DAB1: variants seen among roughly 807,000 people sequenced by gnomAD.
The protein encoded by DAB1 is disabled homolog 1.
In DAB1, 15 loss-of-function variants were observed where a neutral mutation model predicts 64.6. That is an observed-to-expected ratio of 0.23 (90% CI 0.16 to 0.36). The LOEUF (loss-of-function observed/expected upper bound fraction) is 0.36, where lower values mean the gene tolerates loss of function less well. Among genes scored for constraint, DAB1 ranks in the 10% least tolerant of loss-of-function variants. The pLI, the probability that DAB1 is intolerant of heterozygous loss-of-function variation, is 1.00. For missense variants in DAB1, 596 were observed against 706.7 expected, an observed-to-expected ratio of 0.84 and a Z score of 1.78; for synonymous variants, 235 against 251.9, an observed-to-expected ratio of 0.93 and a Z score of 0.64.
At chr1:57,450,564 T>C (rs1686313001) in intron 7 of DAB1, among the ~76,000 whole-genome samples, 1 of 152,340 alleles carries the variant, frequency 6.6e-6, no homozygotes, top group African/African-American at 2.4e-5. Context: ...CACAGATTTG[T>C]TTCAATGTCA....
chr1:57,758,135 T>A (rs987342718), intron 6 of DAB1, among the ~76,000 whole-genome samples: 18 of 152,304 alleles, frequency 1.2e-4, no homozygotes, highest in African/African-American at 4.1e-4. Flanking sequence ...TTAAATGGAA[T>A]AACAAAAGTA....
intron 4 of DAB1, among the ~76,000 whole-genome samples, chr1:58,294,027 A>T (rs996772692): frequency 1.8e-4 from 27 of 152,096 alleles, no homozygotes; most frequent in Admixed American, 1.4e-3. Context: ...TTCCTGTTTC[A>T]TTCAGCTTTC....
intron 1 of DAB1, chr1:57,874,878 A>G (rs778044187): frequency 6.6e-6 from 1 of 152,200 alleles, no homozygotes; most frequent in African/African-American, 2.4e-5. Flanking sequence ...AGATTTCACA[A>G]CGTGGTCCCA....
At chr1:58,467,663 A>G (rs1002616661) in intron 3 of DAB1, among the ~76,000 whole-genome samples, 2 of 152,232 alleles carry the variant, frequency 1.3e-5, no homozygotes, top group Non-Finnish European at 2.9e-5. Context: ...ACATATATCC[A>G]AAATTTCCCA....
chr1:57,941,276 G>C (rs1483430558), intron 5 of DAB1, among the ~76,000 whole-genome samples: 1 of 152,150 alleles, frequency 6.6e-6, no homozygotes, highest in Non-Finnish European at 1.5e-5. Flanking sequence ...AGGTGCTTTG[G>C]TATTTATCAT....
chr1:57,366,377 A>G (rs905527831), intron 1 of DAB1, among the ~76,000 whole-genome samples: 10 of 152,244 alleles, frequency 6.6e-5, no homozygotes, highest in African/African-American at 2.2e-4. Flanking sequence ...AGTAATAGCT[A>G]GATGCATTTT....
At chr1:58,290,062 C>T (rs1423379500) in intron 4 of DAB1, among the ~76,000 whole-genome samples, 1 of 152,180 alleles carries the variant, frequency 6.6e-6, no homozygotes, top group Non-Finnish European at 1.5e-5. Flanking sequence ...AAATATTGAG[C>T]ACTGACTTGG....
intron 1 of DAB1, among the ~76,000 whole-genome samples, chr1:57,340,014 T>C (rs138107568): frequency 5.3e-5 from 8 of 152,336 alleles, no homozygotes; most frequent in African/African-American, 1.9e-4. Flanking sequence ...CATCCTGTAA[T>C]GAGCATTTCT....
chr1:57,746,928 C>T (rs1648302878), intron 6 of DAB1, among the ~76,000 whole-genome samples: 1 of 151,926 alleles, frequency 6.6e-6, no homozygotes, highest in South Asian at 2.1e-4. Context: ...GATATTTGCC[C>T]TGTGTTATAT....
chr1:56,997,918 A>T lies in DAB1; in HGVS notation c.*226T>A, dbSNP rs1330660670. 6.6e-6 allele frequency: 1 copy of T among 152,480 alleles called. No individual in the cohort carries two copies. Among genetic ancestry groups the T allele is most frequent in the Non-Finnish European group, 1.5e-5 (1 of 68,030 alleles). 9.4% of individuals were successfully genotyped at this position (152,480 alleles called of 1,614,324 possible). A position where few individuals can be genotyped will look rare whatever the true frequency, so the allele number is the denominator to read the frequency against. Reference sequence around the variant, plus strand: ...CTATACTTTTTTTGTGTGCTGCCATAGATATCTGCCATTGGTTGCCAAAAA... The same window carrying T: ...CTATACTTTTTTTGTGTGCTGCCATTGATATCTGCCATTGGTTGCCAAAAA... On this transcript the variant is annotated 3_prime_UTR_variant, in exon 15 of 15. Coordinates refer to ENST00000371236, the MANE Select transcript of DAB1 (RefSeq NM_001365792.1).
chr1:58,444,950 C>T (rs1041937116), intron 3 of DAB1, among the ~76,000 whole-genome samples: 5 of 152,098 alleles, frequency 3.3e-5, no homozygotes, highest in African/African-American at 4.8e-5. Flanking sequence ...ATAATTGTTG[C>T]TGGTTGTGTT....
intron 1 of DAB1, among the ~76,000 whole-genome samples, chr1:58,530,032 C>A (rs1299907357): frequency 1.3e-5 from 2 of 152,150 alleles, no homozygotes; most frequent in African/African-American, 4.8e-5. Flanking sequence ...AGGCGCCCGC[C>A]ACAACGCCAG....
chr1:57,462,364 T>C (rs1686813667), intron 7 of DAB1, among the ~76,000 whole-genome samples: 1 of 152,200 alleles, frequency 6.6e-6, no homozygotes, highest in Non-Finnish European at 1.5e-5. Context: ...CCTTTGTTTT[T>C]TAAATCCATA....
intron 2 of DAB1, among the ~76,000 whole-genome samples, chr1:57,283,799 G>A (rs1466485576): frequency 1.3e-5 from 2 of 152,190 alleles, no homozygotes; most frequent in Admixed American, 6.5e-5. Context: ...TCCAGCCAGG[G>A]AGCCATTCCT....
chr1:58,280,675 G>A (rs1186132414), intron 4 of DAB1, among the ~76,000 whole-genome samples: 4 of 152,198 alleles, frequency 2.6e-5, no homozygotes, highest in Non-Finnish European at 4.4e-5. Context: ...AAGTCATTTA[G>A]ATTATCTCAG....
At chr1:58,056,100 T>G in intron 5 of DAB1, 1 of 949,380 alleles carries the variant, frequency 1.1e-6, no homozygotes, top group Non-Finnish European at 1.7e-6. Flanking sequence ...CTCCAGAGAA[T>G]AGCCTGTCTT....
chr1:57,341,769 A>T (rs1677607997), intron 1 of DAB1, among the ~76,000 whole-genome samples: 1 of 152,182 alleles, frequency 6.6e-6, no homozygotes, highest in Non-Finnish European at 1.5e-5. Context: ...GATTATTACC[A>T]ACAGTTCACT....
intron 7 of DAB1, among the ~76,000 whole-genome samples, chr1:57,554,831 T>C (rs983730120): frequency 6.6e-6 from 1 of 152,188 alleles, no homozygotes; most frequent in African/African-American, 2.4e-5. Flanking sequence ...GAAAAGTTTC[T>C]AGTGAGTCTT....
At chr1:58,028,199 C>G (rs1646922487) in intron 5 of DAB1, among the ~76,000 whole-genome samples, 1 of 152,196 alleles carries the variant, frequency 6.6e-6, no homozygotes. Context: ...TTCACAAATA[C>G]CGAACCATTG....
Sources: gnomAD v4.1 joint callset for allele counts (sites outside exome capture counted in the v4.1 genomes callset) on GRCh38, gnomAD v4.1.1 for gene constraint, MANE v1.5 for transcripts, NCBI Gene and HGNC (gene_info 2026-07-23, HGNC 2026-07-21) for gene names.